Variants in USP15 observed in about 807,000 individuals in gnomAD.
The protein encoded by USP15 is ubiquitin carboxyl-terminal hydrolase 15.
Under a neutral mutation model 127.1 loss-of-function variants are expected in USP15, and 18 were observed. The observed-to-expected ratio is 0.14, with a 90% CI of 0.10 to 0.21. USP15 has a LOEUF of 0.21. Among genes scored for constraint, USP15 ranks in the 10% least tolerant of loss-of-function variants. The pLI, the probability that USP15 is intolerant of heterozygous loss-of-function variation, is 1.00. For missense variants in USP15, 805 were observed against 1,159.9 expected (o/e 0.69, Z 4.44); for synonymous variants, 364 against 393.7 (o/e 0.92, Z 0.89).
intron 6 of USP15, among the ~76,000 whole-genome samples, chr12:62,332,812 G>C (rs1439061213): frequency 6.7e-6 from 1 of 150,200 alleles, no homozygotes. Flanking sequence ...TCTGATTAAG[G>C]GAATTCCAAA....
rs1024349394 is a variant in USP15 at position 62,285,660 on chromosome 12, C to G, written c.90-8519C>G. On this transcript the variant is annotated intron_variant, in intron 1 of 21. Coordinates refer to ENST00000280377, the MANE Select transcript of USP15 (RefSeq NM_001252078.2). ...GTGTGTGTGTGTGTATCCATATATG[C>G]TACATTGCCTTTATCCAATCATCCA... Among the ~76,000 whole-genome samples the G allele has an allele frequency of 4.6e-5, 7 of 152,118 alleles. No homozygotes were observed. The South Asian group carries it at 1.5e-3, about 32-fold the overall frequency.
At chr12:62,299,307 A>C (rs2064233178) in intron 2 of USP15, among the ~76,000 whole-genome samples, 1 of 152,032 alleles carries the variant, frequency 6.6e-6, no homozygotes, top group South Asian at 2.1e-4. Flanking sequence ...ATGGGGTTTC[A>C]CCACGTTGGC....
intron 6 of USP15, among the ~76,000 whole-genome samples, chr12:62,334,793 C>G (rs1289975756): frequency 6.6e-6 from 1 of 152,114 alleles, no homozygotes; most frequent in Non-Finnish European, 1.5e-5. Flanking sequence ...CTTAACTTCT[C>G]TGTATTTTGG....
At chr12:62,348,386 G>A (rs953650853) in intron 6 of USP15, among the ~76,000 whole-genome samples, 11 of 151,996 alleles carry the variant, frequency 7.2e-5, no homozygotes, top group Middle Eastern at 3.4e-3. Flanking sequence ...TTCATTGTTC[G>A]TTAGCATAAT....
intron 3 of USP15, among the ~76,000 whole-genome samples, chr12:62,314,218 A>G (rs1308049608): frequency 6.6e-6 from 1 of 151,938 alleles, no homozygotes; most frequent in African/African-American, 2.4e-5. Context: ...TTACCTAGCC[A>G]TAGCTGGATA....
At chr12:62,312,754 C>T (rs2064719974) in intron 3 of USP15, among the ~76,000 whole-genome samples, 2 of 151,488 alleles carry the variant, frequency 1.3e-5, no homozygotes, top group African/African-American at 4.8e-5. Flanking sequence ...TAAAACTATA[C>T]TTTTTTTATA....
chr12:62,390,204 G>A lies in USP15; in HGVS notation c.1844+216G>A, dbSNP rs576078492. 2.0e-5 allele frequency among the ~76,000 whole-genome samples: 3 copies of A among 152,238 alleles called. No individual in the cohort carries two copies. The East Asian group carries it at 5.8e-4, about 29-fold the overall frequency. On this transcript the variant is annotated intron_variant, in intron 14 of 21. Transcript: ENST00000280377. ...TTCAAACCCAGGAAGCACGAAGTCT[G>A]TAGCAGTTTTAAACCAAAAGTTTAC... is the stretch of plus-strand genomic sequence containing the variant.
chr12:62,312,110 A>T (rs1238811398), intron 3 of USP15, among the ~76,000 whole-genome samples: 1 of 151,804 alleles, frequency 6.6e-6, no homozygotes, highest in Non-Finnish European at 1.5e-5. Context: ...CTCAGGCTCC[A>T]GGATCTAGGT....
intron 1 of USP15, chr12:62,267,387 A>T (rs2063219936): frequency 6.6e-6 from 1 of 152,148 alleles, no homozygotes; most frequent in Admixed American, 6.5e-5. Flanking sequence ...AGGGTCAAAA[A>T]TGGCTCCTTA....
chr12:62,368,360 T>G (rs1303120916), intron 8 of USP15, among the ~76,000 whole-genome samples: 1 of 152,200 alleles, frequency 6.6e-6, no homozygotes, highest in East Asian at 1.9e-4. Context: ...GTCCCGAATA[T>G]CCTTGTTAAT....
At chr12:62,390,829 G>A (rs372332594) in intron 14 of USP15, 35 bp from the exon 15 acceptor site, 75 of 1,499,338 alleles carry the variant, frequency 5.0e-5, no homozygotes, top group Middle Eastern at 1.7e-4. Flanking sequence ...TATCTTTGTA[G>A]TACTGAACTT....
intron 20 of USP15, 75 bp downstream of exon 20, chr12:62,396,473 A>G: frequency 2.5e-6 from 3 of 1,201,606 alleles, no homozygotes; most frequent in Non-Finnish European, 3.7e-6. Context: ...TAAGATATTT[A>G]TTACTTCTTA....
intron 1 of USP15, 75 bp from the exon 2 acceptor site, chr12:62,294,104 T>C: frequency 2.0e-6 from 3 of 1,485,806 alleles, no homozygotes; most frequent in Admixed American, 2.2e-5. Context: ...AAAGGAAATA[T>C]CAAAAAATAG....
At chr12:62,358,960 G>A (rs1407325990) in intron 8 of USP15, among the ~76,000 whole-genome samples, 1 of 152,026 alleles carries the variant, frequency 6.6e-6, no homozygotes. Context: ...AATCCCCTGT[G>A]GATACCAAGA....
chr12:62,354,136 CGT>C (rs948207975), intron 7 of USP15, among the ~76,000 whole-genome samples: 8 of 146,598 alleles, frequency 5.5e-5, no homozygotes, highest in Admixed American at 1.4e-4. Flanking sequence ...TGTGTGTGTG[CGT>C]GTGTGTGTGT....
At chr12:62,290,771 A>G (rs1470465925) in intron 1 of USP15, among the ~76,000 whole-genome samples, 2 of 152,056 alleles carry the variant, frequency 1.3e-5, no homozygotes, top group Admixed American at 6.6e-5. Context: ...CCATGTTTAG[A>G]CTTCCCTTGA....
intron 1 of USP15, among the ~76,000 whole-genome samples, chr12:62,289,760 C>G (rs2063903892): frequency 7.2e-6 from 1 of 138,516 alleles, no homozygotes; most frequent in African/African-American, 2.7e-5. Flanking sequence ...TATAAACTTT[C>G]CTCTTAGCAC....
At chr12:62,292,488 C>T (rs1350999871) in intron 1 of USP15, among the ~76,000 whole-genome samples, 1 of 152,238 alleles carries the variant, frequency 6.6e-6, no homozygotes, top group Non-Finnish European at 1.5e-5. Flanking sequence ...AGTTGCCCCT[C>T]ACAGCTTCAG....
intron 19 of USP15, among the ~76,000 whole-genome samples, chr12:62,395,551 C>T (rs1592730591): frequency 6.6e-6 from 1 of 151,266 alleles, no homozygotes; most frequent in Non-Finnish European, 1.5e-5. Context: ...TTATTATTGA[C>T]TATAGTCACC....
Sources: gnomAD v4.1 joint callset for allele counts (sites outside exome capture counted in the v4.1 genomes callset) on GRCh38, gnomAD v4.1.1 for gene constraint, MANE v1.5 for transcripts, NCBI Gene and HGNC (gene_info 2026-07-23, HGNC 2026-07-21) for gene names.